Variants in CDKAL1 observed in about 807,000 individuals in gnomAD.
CDKAL1 encodes the protein threonylcarbamoyladenosine tRNA methylthiotransferase.
A neutral mutation model predicts 68.2 loss-of-function variants in CDKAL1; 32 were observed. The ratio of observed to expected loss-of-function variants is 0.47; its 90% CI spans 0.35 to 0.63. CDKAL1 has a LOEUF of 0.63. Ranked by LOEUF, CDKAL1 falls within the 30% of genes least tolerant of loss-of-function variation. The pLI is 0.00. For synonymous variants in CDKAL1, 234 were observed against 244.3 expected (o/e 0.96, Z 0.39); for missense variants, 606 against 696.7 (o/e 0.87, Z 1.47).
intron 9 of CDKAL1, among the ~76,000 whole-genome samples, chr6:20,898,226 A>G (rs557976675): frequency 2.6e-5 from 4 of 151,130 alleles, no homozygotes; most frequent in South Asian, 2.1e-4. Flanking sequence ...TGGTTTGTAT[A>G]TGTGTGTTCC....
At chr6:20,894,986 G>C (rs141420005) in intron 9 of CDKAL1, among the ~76,000 whole-genome samples, 270 of 152,168 alleles carry the variant, frequency 1.8e-3, no homozygotes, top group Non-Finnish European at 2.5e-3. Context: ...TAAAGTTGAA[G>C]TTCTCTATCA....
chr6:20,911,049 A>C lies in CDKAL1; in HGVS notation c.743-44370A>C, dbSNP rs771426104. 5.9e-5 allele frequency among the ~76,000 whole-genome samples: 9 copies of C among 152,368 alleles called. 1 individual carries two copies. The highest frequency in any genetic ancestry group is 6.8e-3 in the Middle Eastern group (2 of 294). On this transcript the variant is annotated intron_variant, in intron 9 of 15. Coordinates refer to ENST00000274695, the MANE Select transcript of CDKAL1 (RefSeq NM_017774.3). ...CTGTTGTTAAAGCCACCCTGTTCGT[A>C]GTACTTTGCTAGGGCAACCCCAGCA...
chr6:20,722,134 G>T (rs1224632923), intron 5 of CDKAL1, among the ~76,000 whole-genome samples: 1 of 152,042 alleles, frequency 6.6e-6, no homozygotes, highest in Non-Finnish European at 1.5e-5. Flanking sequence ...TGAAGGCAGG[G>T]GACTCAAATT....
chr6:20,694,193 C>G (rs1319617882), intron 5 of CDKAL1, among the ~76,000 whole-genome samples: 2 of 140,854 alleles, frequency 1.4e-5, no homozygotes, highest in African/African-American at 5.2e-5. Flanking sequence ...AACAAACAAA[C>G]AAACAAGCAA....
chr6:21,131,853 T>C (rs546259554), intron 13 of CDKAL1, among the ~76,000 whole-genome samples: 75 of 152,280 alleles, frequency 4.9e-4, no homozygotes, highest in African/African-American at 1.7e-3. Flanking sequence ...TCCCACAAAT[T>C]TAGTATTCCA....
intron 5 of CDKAL1, among the ~76,000 whole-genome samples, chr6:20,706,282 T>C (rs552526819): frequency 6.6e-6 from 1 of 152,312 alleles, no homozygotes; most frequent in South Asian, 2.1e-4. Flanking sequence ...GGCTGGATTT[T>C]GGCTGTAGGG....
chr6:21,067,087 A>G (rs1435845021), intron 12 of CDKAL1, among the ~76,000 whole-genome samples: 4 of 152,238 alleles, frequency 2.6e-5, no homozygotes, highest in African/African-American at 9.6e-5. Flanking sequence ...ACAGAAAAGT[A>G]TATGGCTGTG....
chr6:20,625,456 G>C (rs1218604977), intron 4 of CDKAL1, among the ~76,000 whole-genome samples: 1 of 152,110 alleles, frequency 6.6e-6, no homozygotes, highest in Non-Finnish European at 1.5e-5. Context: ...CGCCTGGGCA[G>C]TATGTGGAAT....
rs1778017679 is a variant in CDKAL1 at position 21,186,430 on chromosome 6, T to C, written c.1300-11591T>C. Among the ~76,000 whole-genome samples the C allele has an allele frequency of 2.6e-5, 4 of 152,354 alleles. No individual in the cohort carries two copies. In the South Asian group the frequency reaches 8.3e-4, roughly 32 times the overall value. On this transcript the variant is annotated intron_variant, in intron 13 of 15. Transcript: ENST00000274695. ...ATGAATTTTTTGATAATGATTACTT[T>C]CTGCCTTTTAAGTCCAAATGCCACT...
chr6:20,758,739 A>G, intron 7 of CDKAL1, 96 bp downstream of exon 7: 2 of 890,232 alleles, frequency 2.2e-6, no homozygotes, highest in Non-Finnish European at 3.4e-6. Flanking sequence ...CCTTTATAAA[A>G]GTTATTGTTT....
chr6:20,563,586 A>T (rs1207296723), intron 4 of CDKAL1, among the ~76,000 whole-genome samples: 6 of 150,916 alleles, frequency 4.0e-5, no homozygotes, highest in Admixed American at 3.3e-4. Context: ...ACCTCAACTG[A>T]TCCTCCCATC....
chr6:20,890,512 T>G (rs1225151763), intron 9 of CDKAL1, among the ~76,000 whole-genome samples: 1 of 152,236 alleles, frequency 6.6e-6, no homozygotes, highest in East Asian at 1.9e-4. Flanking sequence ...AAAATCACAT[T>G]TTTCTACTGA....
chr6:20,888,894 G>C (rs1027520936), intron 9 of CDKAL1, among the ~76,000 whole-genome samples: 2 of 152,136 alleles, frequency 1.3e-5, no homozygotes, highest in African/African-American at 2.4e-5. Context: ...CCAGTAATGG[G>C]ATGGCTGGGT....
intron 9 of CDKAL1, among the ~76,000 whole-genome samples, chr6:20,915,804 G>A (rs1166568764): frequency 6.6e-6 from 1 of 152,110 alleles, no homozygotes; most frequent in Non-Finnish European, 1.5e-5. Context: ...TAACCCATAT[G>A]TCTTTCAACA....
Position 21,058,306 on chromosome 6 carries a change from T to A in CDKAL1, c.1056-6742T>A, listed in dbSNP as rs974199462. ...TTTTTTTATCTTTGTTGGTTTAAAA[T>A]CTGTTTTGTCATAAACTAGGATTGC... On this transcript the variant is annotated intron_variant, in intron 11 of 15. Coordinates refer to ENST00000274695, the MANE Select transcript of CDKAL1 (RefSeq NM_017774.3). Among the ~76,000 whole-genome samples, 18 of 152,346 alleles carry A rather than the reference T, an allele frequency of 1.2e-4. No individual in the cohort carries two copies. The East Asian group carries it at 3.5e-3, about 29-fold the overall frequency.
chr6:20,876,302 G>A (rs1357748389), intron 9 of CDKAL1, among the ~76,000 whole-genome samples: 2 of 152,218 alleles, frequency 1.3e-5, no homozygotes, highest in South Asian at 2.1e-4. Flanking sequence ...GGGGCAGGAT[G>A]TAAGGGTGTA....
intron 5 of CDKAL1, among the ~76,000 whole-genome samples, chr6:20,706,619 A>G (rs1771606868): frequency 6.6e-6 from 1 of 152,190 alleles, no homozygotes; most frequent in Non-Finnish European, 1.5e-5. Context: ...CAAATATATA[A>G]CTACACTTAA....
At chr6:20,857,891 G>A (rs753826878) in intron 9 of CDKAL1, among the ~76,000 whole-genome samples, 8 of 152,154 alleles carry the variant, frequency 5.3e-5, no homozygotes, top group East Asian at 3.9e-4. Context: ...ATGAAGTCTC[G>A]CTCTGTCGCC....
intron 9 of CDKAL1, among the ~76,000 whole-genome samples, chr6:20,950,483 A>G (rs947607332): frequency 2.6e-5 from 4 of 152,170 alleles, no homozygotes; most frequent in Non-Finnish European, 5.9e-5. Context: ...AAAATTTAAT[A>G]TGCACTGTGA....
Sources: gnomAD v4.1 joint callset for allele counts (sites outside exome capture counted in the v4.1 genomes callset) on GRCh38, gnomAD v4.1.1 for gene constraint, MANE v1.5 for transcripts, NCBI Gene and HGNC (gene_info 2026-07-23, HGNC 2026-07-21) for gene names.